Variants in BFSP2 observed in about 807,000 individuals in gnomAD.
The protein encoded by BFSP2 is beaded filament structural protein 2, also known as phakinin.
Under a neutral mutation model 44.9 loss-of-function variants are expected in BFSP2, and 38 were observed. The ratio of observed to expected loss-of-function variants is 0.85; its 90% CI spans 0.65 to 1.11. BFSP2 has a LOEUF of 1.11. Among genes scored for constraint, BFSP2 ranks in the 50% least tolerant of loss-of-function variants. The pLI, the probability that BFSP2 is intolerant of heterozygous loss-of-function variation, is 0.00. For missense variants in BFSP2, 525 were observed against 533.0 expected, an observed-to-expected ratio of 0.99 and a Z score of 0.15; for synonymous variants, 197 against 209.9, an observed-to-expected ratio of 0.94 and a Z score of 0.53.
chr3:133,468,771 ACTT>A (rs2074135093), intron 5 of BFSP2, among the ~76,000 whole-genome samples: 1 of 152,166 alleles, frequency 6.6e-6, no homozygotes, highest in Admixed American at 6.5e-5. Flanking sequence ...AATAAATTCA[ACTT>A]CTTGATGAGA....
intron 1 of BFSP2, among the ~76,000 whole-genome samples, chr3:133,430,109 T>C (rs1576573187): frequency 6.6e-6 from 1 of 151,978 alleles, no homozygotes; most frequent in East Asian, 1.9e-4. Context: ...GGCTGCATAG[T>C]ATTCCATAGT....
intron 1 of BFSP2, among the ~76,000 whole-genome samples, chr3:133,404,676 A>G (rs2073389673): frequency 6.6e-6 from 1 of 152,232 alleles, no homozygotes; most frequent in Non-Finnish European, 1.5e-5. Flanking sequence ...GAAACATGAC[A>G]GAAGAAAGGA....
rs556435571 is a variant in BFSP2, at chr3:133,451,098, A to G, written c.891+634A>G. On this transcript the variant is annotated intron_variant, in intron 4 of 6. Coordinates refer to ENST00000302334, the MANE Select transcript of BFSP2 (RefSeq NM_003571.4). ...TGCACTCCAGCCTGGGCAACAGAGC[A>G]AGACTCTGTCTCAAAAAAAAAAAAA... Among the ~76,000 whole-genome samples, 390 of 144,330 alleles carry G rather than the reference A, an allele frequency of 2.7e-3. 2 individuals carry two copies. Among genetic ancestry groups the G allele is most frequent in the Middle Eastern group, 0.01 (3 of 288 alleles). 94.7% of individuals were successfully genotyped at this position (144,330 alleles called of 152,430 possible).
At chr3:133,467,922 G>A (rs759854759) in intron 5 of BFSP2, among the ~76,000 whole-genome samples, 44 of 152,170 alleles carry the variant, frequency 2.9e-4, no homozygotes, top group African/African-American at 5.8e-4. Context: ...AAGAGTAATA[G>A]AGTCAGAAGG....
intron 6 of BFSP2, among the ~76,000 whole-genome samples, chr3:133,473,027 A>G (rs1205642655): frequency 6.6e-6 from 1 of 151,508 alleles, no homozygotes; most frequent in Non-Finnish European, 1.5e-5. Flanking sequence ...CCCTGGGCTC[A>G]AGTGATCCTC....
intron 5 of BFSP2, among the ~76,000 whole-genome samples, chr3:133,469,679 C>T (rs557715708): frequency 1.6e-4 from 24 of 152,364 alleles, no homozygotes; most frequent in African/African-American, 5.8e-4. Flanking sequence ...TTGCCTGCAA[C>T]AGTAGCCTGA....
chr3:133,433,916 C>T (rs1187130416), intron 1 of BFSP2, among the ~76,000 whole-genome samples: 2 of 152,202 alleles, frequency 1.3e-5, no homozygotes, highest in Admixed American at 6.5e-5. Context: ...TTTTATTAGG[C>T]CCCAGTCTCT....
chr3:133,431,166 A>T (rs1324889086), intron 1 of BFSP2, among the ~76,000 whole-genome samples: 2 of 152,304 alleles, frequency 1.3e-5, no homozygotes, highest in South Asian at 4.1e-4. Flanking sequence ...ACATTTTATT[A>T]CCCAATCTGC....
chr3:133,471,371 A>G (rs2074160024), intron 5 of BFSP2, among the ~76,000 whole-genome samples: 1 of 152,224 alleles, frequency 6.6e-6, no homozygotes, highest in African/African-American at 2.4e-5. Flanking sequence ...ACAGGAGGCC[A>G]TGATGGTTGC....
intron 1 of BFSP2, among the ~76,000 whole-genome samples, chr3:133,415,179 ACTC>A (rs1200786248): frequency 2.3e-5 from 1 of 43,750 alleles, no homozygotes; most frequent in African/African-American, 9.7e-5. Flanking sequence ...TCTCCCCTCT[ACTC>A]AACTCTGTCC....
intron 4 of BFSP2, chr3:133,455,335 C>G (rs2370246): frequency 6.6e-6 from 1 of 151,986 alleles, no homozygotes; most frequent in African/African-American, 2.4e-5. Context: ...CCACCAGGGC[C>G]GCATTCTCAT....
At chr3:133,447,152 C>T (rs567841100) in intron 1 of BFSP2, among the ~76,000 whole-genome samples, 165 bp from the exon 2 acceptor site, 13 of 152,326 alleles carry the variant, frequency 8.5e-5, no homozygotes, top group African/African-American at 3.1e-4. Context: ...TCCCCCCACC[C>T]TGACCATTGT....
At chr3:133,435,355 TG>T (rs1456219267) in intron 1 of BFSP2, among the ~76,000 whole-genome samples, 1 of 152,220 alleles carries the variant, frequency 6.6e-6, no homozygotes, top group Non-Finnish European at 1.5e-5. Context: ...CATCACAAAC[TG>T]TTGCCATGAC....
In BFSP2 at chr3:133,472,572, C is replaced by T; in HGVS notation, c.1244+7C>T. 6.2e-7 allele frequency: 1 copy of T among 1,610,316 alleles called. No individual in the cohort carries two copies. Among genetic ancestry groups the T allele is most frequent in the Non-Finnish European group, 8.5e-7 (1 of 1,179,174 alleles). On this transcript the variant is annotated splice_region_variant and intron_variant, in intron 6 of 6. Transcript: ENST00000302334. ...TGGACAGGGAGGAGAGCGGGTAAGC[C>T]TCGCTTCCGCGTCAATTATCCAAGA... is the stretch of plus-strand genomic sequence containing the variant.
intron 3 of BFSP2, 159 bp downstream of exon 3, chr3:133,448,804 G>T: frequency 1.0e-6 from 1 of 983,982 alleles, no homozygotes; most frequent in East Asian, 2.7e-5. Context: ...TCAGATCCTT[G>T]AAGTGGGTCA....
rs150193935 is a variant in BFSP2, at chr3:133,414,281, TACTC to T, written c.489+13712_489+13715del. 2.4e-3 allele frequency among the ~76,000 whole-genome samples: 136 copies of T among 56,118 alleles called. 11 individuals are homozygous for T. Among genetic ancestry groups the T allele is most frequent in the African/African-American group, 0.015 (125 of 8,578 alleles). The allele number at this position is 56,118 out of a possible 152,430, so 36.8% of individuals were successfully genotyped here. ...CCCTACTCACCCCGTCCTCTCACCTTACTCACCCCTGCCCTCTCTCCCCTACTCA... is the reference window on the plus strand; with the variant it reads ...CCCTACTCACCCCGTCCTCTCACCTTACCCCTGCCCTCTCTCCCCTACTCA... On this transcript the variant is annotated intron_variant, in intron 1 of 6. Coordinates refer to ENST00000302334, the MANE Select transcript of BFSP2 (RefSeq NM_003571.4).
Position 133,474,902 on chromosome 3 carries a change from T to C in BFSP2, c.1245-67T>C, listed in dbSNP as rs375364903. On this transcript the variant is annotated intron_variant, in intron 6 of 6. Transcript: ENST00000302334. ...CATGAGATGGCCCCCTTTCTCGTAATCCTATTGTGATAGAATGACCGATTT... is the reference window on the plus strand; with the variant it reads ...CATGAGATGGCCCCCTTTCTCGTAACCCTATTGTGATAGAATGACCGATTT... 403 of 1,593,102 alleles carry C rather than the reference T, an allele frequency of 2.5e-4. No homozygotes were observed. In the African/African-American group the frequency reaches 4.9e-3, roughly 19 times the overall value.
chr3:133,415,832 TCCCTCTACTCACCCCTGCCCTCTC>T (rs2073520029), intron 1 of BFSP2, among the ~76,000 whole-genome samples: 1 of 43,824 alleles, frequency 2.3e-5, no homozygotes, highest in Admixed American at 2.0e-4. Flanking sequence ...CCTGCCCTCT[TCCCTCTACTCACCCCTGCCCTCTC>T]CCCTCTACTC....
chr3:133,425,825 A>G (rs1432998338), intron 1 of BFSP2, among the ~76,000 whole-genome samples: 1 of 139,030 alleles, frequency 7.2e-6, no homozygotes, highest in East Asian at 2.2e-4. Flanking sequence ...AGGGAAATAA[A>G]GAAGGGAAGG....
Sources: gnomAD v4.1 joint callset for allele counts (sites outside exome capture counted in the v4.1 genomes callset) on GRCh38, gnomAD v4.1.1 for gene constraint, MANE v1.5 for transcripts, NCBI Gene and HGNC (gene_info 2026-07-23, HGNC 2026-07-21) for gene names.